PDE7A: variants seen among roughly 807,000 people sequenced by gnomAD.
PDE7A encodes the protein phosphodiesterase 7A, also known as high affinity 3',5'-cyclic-AMP phosphodiesterase 7A.
In PDE7A, 39 loss-of-function variants were observed where a neutral mutation model predicts 64.3. The ratio of observed to expected loss-of-function variants is 0.61; its 90% CI spans 0.47 to 0.79. The LOEUF is 0.79. PDE7A is among the 30% of genes least tolerant of loss of function. PDE7A has a pLI of 0.00. For synonymous variants in PDE7A, 203 were observed against 206.8 expected (o/e 0.98, Z 0.16); for missense variants, 470 against 582.8 (o/e 0.81, Z 1.99).
In PDE7A at chr8:65,841,722, A is replaced by G. The variant is rs1043248043; in HGVS notation, c.-214T>C. 3 of 152,144 alleles carry G rather than the reference A, an allele frequency of 2.0e-5. No individual in the cohort carries two copies. The highest frequency in any genetic ancestry group is 7.4e-5 in the African/African-American group (3 of 40,290). The allele number at this position is 152,144 out of a possible 1,614,324, so 9.4% of individuals were successfully genotyped here. A position where few individuals can be genotyped will look rare whatever the true frequency, so the allele number is the denominator to read the frequency against. ...AAGGCTCCGCGGCGGCCGCGGCGCCAATTACCAGGACCGGCGCGCGCCTCG... is the reference window on the plus strand; with the variant it reads ...AAGGCTCCGCGGCGGCCGCGGCGCCGATTACCAGGACCGGCGCGCGCCTCG... On this transcript the variant is annotated 5_prime_UTR_variant, in exon 1 of 13. Coordinates refer to ENST00000401827, the MANE Select transcript of PDE7A (RefSeq NM_001242318.3).
At chr8:65,791,097 C>T (rs959701284) in intron 1 of PDE7A, among the ~76,000 whole-genome samples, 5 of 152,128 alleles carry the variant, frequency 3.3e-5, no homozygotes, top group South Asian at 2.1e-4. Context: ...TTTTGGAAAG[C>T]GAATACAAGA....
At chr8:65,786,826 G>A (rs1809569810) in intron 1 of PDE7A, among the ~76,000 whole-genome samples, 1 of 152,122 alleles carries the variant, frequency 6.6e-6, no homozygotes, top group African/African-American at 2.4e-5. Context: ...AAGCGAACTA[G>A]TATAGGTCAA....
chr8:65,719,974 G>C (rs532815902), intron 12 of PDE7A, among the ~76,000 whole-genome samples: 1 of 152,248 alleles, frequency 6.6e-6, no homozygotes, highest in South Asian at 2.1e-4. Flanking sequence ...CTTCATGCCT[G>C]GTCATGACTA....
intron 7 of PDE7A, 121 bp from the exon 8 acceptor site, chr8:65,727,422 T>C (rs1806656978): frequency 2.2e-6 from 3 of 1,391,202 alleles, no homozygotes; most frequent in Non-Finnish European, 2.9e-6. Flanking sequence ...CTTCACGTCA[T>C]TCCTCAGGTG....
intron 1 of PDE7A, among the ~76,000 whole-genome samples, chr8:65,797,168 G>A (rs1285450432): frequency 6.6e-6 from 1 of 152,170 alleles, no homozygotes; most frequent in East Asian, 1.9e-4. Context: ...ATAGTATGGG[G>A]TTGAATTGTG....
chr8:65,795,883 G>A (rs1809828139), intron 1 of PDE7A, among the ~76,000 whole-genome samples: 1 of 151,786 alleles, frequency 6.6e-6, no homozygotes, highest in Non-Finnish European at 1.5e-5. Flanking sequence ...AGAATTGGTA[G>A]ACAAAGACTT....
intron 1 of PDE7A, among the ~76,000 whole-genome samples, chr8:65,832,152 A>G (rs1252932445): frequency 6.6e-6 from 1 of 152,194 alleles, no homozygotes; most frequent in Non-Finnish European, 1.5e-5. Context: ...AGATTCCTCA[A>G]ATTCTTCAAA....
chr8:65,754,704 C>A (rs1466380295), intron 3 of PDE7A, among the ~76,000 whole-genome samples: 4 of 150,102 alleles, frequency 2.7e-5, no homozygotes, highest in African/African-American at 9.7e-5. Flanking sequence ...CAGTGGCTCA[C>A]GCCTGTAATC....
At position 65,767,483 on chromosome 8, in the gene PDE7A, G is replaced by T. The variant is rs1383990912; in HGVS notation, c.283+12237C>A. The stretch of plus-strand genomic sequence containing the variant: ...GTTACAGTCTTTTATTAAAACGTTG[G>T]GTGTGTTAGGCCTAAGGAAACAATC... On this transcript the variant is annotated intron_variant, in intron 3 of 12. Transcript: ENST00000401827. 3.9e-5 allele frequency among the ~76,000 whole-genome samples: 6 copies of T among 152,202 alleles called. No individual in the cohort carries two copies. The South Asian group carries it at 1.2e-3, about 32-fold the overall frequency.
At chr8:65,750,210 C>T (rs1170592516) in intron 3 of PDE7A, among the ~76,000 whole-genome samples, 1 of 152,066 alleles carries the variant, frequency 6.6e-6, no homozygotes, top group Non-Finnish European at 1.5e-5. Context: ...TCCTTAGAAA[C>T]CAAGGTAAAA....
chr8:65,813,829 T>C (rs1237490227), intron 1 of PDE7A, among the ~76,000 whole-genome samples: 1 of 152,228 alleles, frequency 6.6e-6, no homozygotes, highest in Non-Finnish European at 1.5e-5. Context: ...CAAATCAGGC[T>C]CCCTTACAGC....
intron 1 of PDE7A, among the ~76,000 whole-genome samples, chr8:65,799,724 G>A (rs1326257158): frequency 6.6e-6 from 1 of 152,166 alleles, no homozygotes; most frequent in African/African-American, 2.4e-5. Flanking sequence ...AAAGAGAGCT[G>A]GGCTGGAGAG....
chr8:65,770,939 C>T (rs1809055470), intron 3 of PDE7A: 3 of 227,212 alleles, frequency 1.3e-5, no homozygotes, highest in Admixed American at 5.6e-5. Context: ...CTCTTCATAC[C>T]CTTTCAGAAA....
At chr8:65,763,967 T>C (rs1195368975) in intron 3 of PDE7A, among the ~76,000 whole-genome samples, 1 of 152,228 alleles carries the variant, frequency 6.6e-6, no homozygotes, top group Non-Finnish European at 1.5e-5. Context: ...CTTTCAACTT[T>C]AGGACAAACA....
At chr8:65,797,930 C>A (rs1809881719) in intron 1 of PDE7A, among the ~76,000 whole-genome samples, 1 of 150,188 alleles carries the variant, frequency 6.7e-6, no homozygotes, top group African/African-American at 2.4e-5. Flanking sequence ...GAGAATATAT[C>A]CATAATCTAG....
chr8:65,779,166 T>C (rs2128923605), intron 3 of PDE7A, among the ~76,000 whole-genome samples: 1 of 152,344 alleles, frequency 6.6e-6, no homozygotes, highest in African/African-American at 2.4e-5. Context: ...TTAGCTAACA[T>C]TACTGAAAGT....
chr8:65,719,233 C>T lies in PDE7A; in HGVS notation c.*57G>A. ...GAGTTAAGTTCTCTCACCTCAAGAC[C>T]CCATTTCACATTTCTAAAAACCTCC... On this transcript the variant is annotated 3_prime_UTR_variant, in exon 13 of 13. Coordinates refer to ENST00000401827, the MANE Select transcript of PDE7A (RefSeq NM_001242318.3). 2 of 1,180,944 alleles carry T rather than the reference C, an allele frequency of 1.7e-6. No individual in the cohort carries two copies. The highest frequency in any genetic ancestry group is 1.3e-6 in the Non-Finnish European group (1 of 786,142). 73.2% of individuals were successfully genotyped at this position (1,180,944 alleles called of 1,614,324 possible). A position where few individuals can be genotyped will look rare whatever the true frequency, so the allele number is the denominator to read the frequency against.
intron 4 of PDE7A, among the ~76,000 whole-genome samples, chr8:65,746,847 C>A (rs1365683017): frequency 2.0e-5 from 3 of 152,126 alleles, no homozygotes; most frequent in Non-Finnish European, 4.4e-5. Flanking sequence ...TCTTCACTTT[C>A]ATGTAATTGT....
At chr8:65,831,227 C>G (rs966778850) in intron 1 of PDE7A, among the ~76,000 whole-genome samples, 1 of 152,134 alleles carries the variant, frequency 6.6e-6, no homozygotes, top group Non-Finnish European at 1.5e-5. Flanking sequence ...AACCTTTCTA[C>G]TGGACATCCT....
Sources: allele counts gnomAD v4.1 joint callset (sites outside exome capture counted in the v4.1 genomes callset), GRCh38; gene constraint gnomAD v4.1.1; transcripts MANE v1.5; gene names NCBI Gene and HGNC (gene_info 2026-07-23, HGNC 2026-07-21).